Variants in WDR27 observed in about 807,000 individuals in gnomAD.
The protein encoded by WDR27 is WD repeat-containing protein 27.
In WDR27, 100 loss-of-function variants were observed where a neutral mutation model predicts 114.4. The observed-to-expected ratio is 0.87, with a 90% CI of 0.74 to 1.03. The LOEUF is 1.03. WDR27 is among the 50% of genes least tolerant of loss of function. The pLI, the probability that WDR27 is intolerant of heterozygous loss-of-function variation, is 0.00. For missense variants in WDR27, 1,129 were observed against 1,092.9 expected (o/e 1.03, Z -0.47); for synonymous variants, 449 against 423.1 (o/e 1.06, Z -0.75).
intron 23 of WDR27, among the ~76,000 whole-genome samples, chr6:169,583,528 C>T (rs1803969493): frequency 7.1e-6 from 1 of 141,516 alleles, no homozygotes. Context: ...CACACACACA[C>T]ACACACACAC....
At chr6:169,658,648 A>G (rs965860296) in intron 12 of WDR27, among the ~76,000 whole-genome samples, 2 of 151,462 alleles carry the variant, frequency 1.3e-5, no homozygotes, top group African/African-American at 4.9e-5. Context: ...AGCACGAAAA[A>G]CCTTCTTCCA....
intron 21 of WDR27, among the ~76,000 whole-genome samples, chr6:169,631,381 C>T (rs1816315193): frequency 6.6e-6 from 1 of 151,918 alleles, no homozygotes; most frequent in Non-Finnish European, 1.5e-5. Flanking sequence ...AAAGCCTTCT[C>T]CTATTGAAAC....
the WDR27 span, among the ~76,000 whole-genome samples, chr6:169,448,970 T>A: frequency 2.6e-5 from 4 of 152,230 alleles, no homozygotes; most frequent in Non-Finnish European, 5.9e-5. Context: ...TGTTTCCTTA[T>A]CATATCACAG....
chr6:169,609,628 T>C lies in WDR27; in HGVS notation c.2321+3931A>G, dbSNP rs1810057493. On this transcript the variant is annotated intron_variant, in intron 22 of 25. Transcript: ENST00000448612. ...CCTGGGCCAACCCATGAAACCACTTTTTCCTCCCAGACCTCTGGGTCTGTG... is the reference window on the plus strand; with the variant it reads ...CCTGGGCCAACCCATGAAACCACTTCTTCCTCCCAGACCTCTGGGTCTGTG... Among the ~76,000 whole-genome samples, 5 of 152,300 alleles carry C rather than the reference T, an allele frequency of 3.3e-5. 1 individual carries two copies. The Middle Eastern group carries it at 0.014, about 414-fold the overall frequency.
At chr6:169,548,884 C>T (rs144579099) in intron 25 of WDR27, among the ~76,000 whole-genome samples, 2 of 152,296 alleles carry the variant, frequency 1.3e-5, no homozygotes, top group East Asian at 3.9e-4. Flanking sequence ...AGACCTTACA[C>T]CCTTCACACA....
intron 8 of WDR27, among the ~76,000 whole-genome samples, chr6:169,662,685 G>A (rs112301381): frequency 7.8e-3 from 903 of 115,932 alleles, no homozygotes; most frequent in East Asian, 0.03. Flanking sequence ...ATCACGTGTC[G>A]AGGAAAGCAC....
At chr6:169,642,879 C>T (rs943607241) in intron 17 of WDR27, among the ~76,000 whole-genome samples, 2 of 152,336 alleles carry the variant, frequency 1.3e-5, no homozygotes, top group Admixed American at 6.5e-5. Flanking sequence ...ATTCGCAATG[C>T]TTGGGATTAG....
intron 2 of WDR27, among the ~76,000 whole-genome samples, chr6:169,679,289 T>C (rs1780860221): frequency 6.6e-6 from 1 of 152,244 alleles, no homozygotes; most frequent in Admixed American, 6.5e-5. Flanking sequence ...TGGTCACTCA[T>C]ACTTGGCTCA....
chr6:169,645,029 AAAAAAAT>A (rs1820229959), intron 16 of WDR27, among the ~76,000 whole-genome samples: 2 of 128,080 alleles, frequency 1.6e-5, no homozygotes, highest in Non-Finnish European at 3.2e-5. Flanking sequence ...AAAATAAAAA[AAAAAAAT>A]AAAAAAAAAA....
At chr6:169,489,819 G>A (rs1409503991) in intron 25 of WDR27, among the ~76,000 whole-genome samples, 1 of 152,210 alleles carries the variant, frequency 6.6e-6, no homozygotes, top group African/African-American at 2.4e-5. Context: ...TTTCTCAAAT[G>A]TCTCTAATCC....
At chr6:169,444,287 T>C in the WDR27 span, among the ~76,000 whole-genome samples, 2 of 152,206 alleles carry the variant, frequency 1.3e-5, no homozygotes, top group Non-Finnish European at 2.9e-5. Flanking sequence ...AACTGCCCTA[T>C]ATATGCATCA....
At position 169,481,817 on chromosome 6, in the gene WDR27, G is replaced by C. The variant is rs1004983964; in HGVS notation, c.2646-24183C>G. On this transcript the variant is annotated intron_variant, in intron 25 of 25. Coordinates refer to ENST00000448612, the MANE Select transcript of WDR27 (RefSeq NM_182552.5). The stretch of plus-strand genomic sequence containing the variant: ...GTCTGCACCTTCACTCCTGAAGCCA[G>C]TGAGACCACGAACCCACCAGAAGGA... 2.0e-5 allele frequency among the ~76,000 whole-genome samples: 3 copies of C among 152,210 alleles called. No homozygotes were observed. The South Asian group carries it at 6.2e-4, about 32-fold the overall frequency.
intron 2 of WDR27, among the ~76,000 whole-genome samples, chr6:169,679,137 G>A (rs952156985): frequency 8.5e-5 from 13 of 152,082 alleles, no homozygotes; most frequent in African/African-American, 2.7e-4. Flanking sequence ...GAGTGGTCTC[G>A]CCTTTCTGAA....
chr6:169,672,156 T>G (rs1329207375), intron 3 of WDR27, 99 bp downstream of exon 3: 3 of 1,272,220 alleles, frequency 2.4e-6, no homozygotes, highest in Non-Finnish European at 3.2e-6. Context: ...GGGACTGCTG[T>G]TACCCAAGGG....
intron 21 of WDR27, among the ~76,000 whole-genome samples, chr6:169,621,585 C>T (rs111066679): frequency 0.061 from 9,319 of 151,708 alleles, 841 homozygotes; most frequent in African/African-American, 0.2. Flanking sequence ...TACACATGCA[C>T]GCACGCATAT....
chr6:169,665,569 A>G lies in WDR27; in HGVS notation c.713-13T>C. ...AGAAGAGGATATGCTGGTGAAAGGAACATCGGAAAATTTAGCTTTGTAAGT... is the reference window on the plus strand; with the variant it reads ...AGAAGAGGATATGCTGGTGAAAGGAGCATCGGAAAATTTAGCTTTGTAAGT... On this transcript the variant is annotated splice_polypyrimidine_tract_variant and intron_variant, in intron 6 of 25. Coordinates refer to ENST00000448612, the MANE Select transcript of WDR27 (RefSeq NM_182552.5). The G allele has an allele frequency of 6.2e-7, 1 of 1,609,798 alleles. No individual in the cohort carries two copies. Among genetic ancestry groups the G allele is most frequent in the Non-Finnish European group, 8.5e-7 (1 of 1,177,740 alleles).
chr6:169,496,250 C>T (rs1259529151), intron 25 of WDR27, among the ~76,000 whole-genome samples: 2 of 151,976 alleles, frequency 1.3e-5, no homozygotes, highest in African/African-American at 2.4e-5. Context: ...ATTCAACACG[C>T]TTTTATGATA....
At chr6:169,588,374 CAG>C (rs1373868613) in intron 23 of WDR27, among the ~76,000 whole-genome samples, 1 of 152,150 alleles carries the variant, frequency 6.6e-6, no homozygotes, top group African/African-American at 2.4e-5. Flanking sequence ...AAGGATAAAA[CAG>C]ACTAGTATCT....
chr6:169,617,779 C>T (rs1440261365), intron 21 of WDR27, among the ~76,000 whole-genome samples: 1 of 152,174 alleles, frequency 6.6e-6, no homozygotes, highest in Admixed American at 6.5e-5. Flanking sequence ...AAGATGGAGC[C>T]ACCATTTTGA....
Sources: gnomAD v4.1 joint callset for allele counts (sites outside exome capture counted in the v4.1 genomes callset) on GRCh38, gnomAD v4.1.1 for gene constraint, MANE v1.5 for transcripts, NCBI Gene and HGNC (gene_info 2026-07-23, HGNC 2026-07-21) for gene names.